The following LINGO2 variants were observed in gnomAD, a reference collection of about 807,000 sequenced individuals.
LINGO2 encodes the protein leucine-rich repeat and immunoglobulin-like domain-containing nogo receptor-interacting protein 2.
Under a neutral mutation model 30.6 loss-of-function variants are expected in LINGO2, and 14 were observed. That is an observed-to-expected ratio of 0.46 (90% CI 0.30 to 0.72). The LOEUF (loss-of-function observed/expected upper bound fraction) is 0.72, where lower values mean the gene tolerates loss of function less well. Among genes scored for constraint, LINGO2 ranks in the 30% least tolerant of loss-of-function variants. LINGO2 has a pLI of 0.07. For missense variants in LINGO2, 729 were observed against 751.7 expected (o/e 0.97, Z 0.35); for synonymous variants, 317 against 288.5 (o/e 1.10, Z -1.00).
chr9:28,989,507 A>G, the LINGO2 span, among the ~76,000 whole-genome samples: 1 of 152,296 alleles, frequency 6.6e-6, no homozygotes, highest in East Asian at 1.9e-4. Context: ...ATTAGACTAG[A>G]ATCTAGAGCC....
intron 4 of LINGO2, among the ~76,000 whole-genome samples, chr9:28,123,690 G>C (rs1827161902): frequency 6.6e-6 from 1 of 151,322 alleles, no homozygotes; most frequent in South Asian, 2.1e-4. Context: ...TTTTGACGGA[G>C]TCTCATTCTG....
At chr9:28,736,117 C>T in the LINGO2 span, among the ~76,000 whole-genome samples, 1 of 152,186 alleles carries the variant, frequency 6.6e-6, no homozygotes. Flanking sequence ...AGCAATTAAA[C>T]AGAACTCAAC....
the LINGO2 span, among the ~76,000 whole-genome samples, chr9:28,775,267 TACACAGTTGTACC>T: frequency 1.3e-5 from 2 of 152,158 alleles, no homozygotes; most frequent in Admixed American, 6.5e-5. Flanking sequence ...CTCCCTACAT[TACACAGTTGTACC>T]ACCACTTGAT....
At position 28,254,767 on chromosome 9, in the gene LINGO2, A is replaced by T. The variant is rs187604355; in HGVS notation, c.-87+40441T>A. ...AACCAATAGAAATACCAAATTTTTT[A>T]AAATTTAACTTTTAAGTTCAGGGGT... On this transcript the variant is annotated intron_variant, in intron 4 of 5. Transcript: ENST00000379992. Among the ~76,000 whole-genome samples, 255 of 152,246 alleles carry T rather than the reference A, an allele frequency of 1.7e-3. 2 individuals carry two copies. The highest frequency in any genetic ancestry group is 5.8e-3 in the African/African-American group (242 of 41,584).
chr9:28,435,662 C>T (rs1823892829), intron 2 of LINGO2, among the ~76,000 whole-genome samples: 1 of 152,194 alleles, frequency 6.6e-6, no homozygotes, highest in Admixed American at 6.5e-5. Flanking sequence ...ATCTTCAGTC[C>T]TGATGGCTAG....
intron 2 of LINGO2, among the ~76,000 whole-genome samples, chr9:28,403,594 T>C (rs76699582): frequency 0.031 from 4,689 of 152,206 alleles, 110 homozygotes; most frequent in Non-Finnish European, 0.047. Flanking sequence ...CCCTACCCTG[T>C]TCTCAAAGAA....
chr9:28,266,959 C>A (rs1245510857), intron 4 of LINGO2, among the ~76,000 whole-genome samples: 1 of 151,950 alleles, frequency 6.6e-6, no homozygotes, highest in Non-Finnish European at 1.5e-5. Flanking sequence ...CTTGGGCAAA[C>A]CTGTCACCAA....
chr9:28,906,028 G>A, the LINGO2 span, among the ~76,000 whole-genome samples: 78 of 152,046 alleles, frequency 5.1e-4, 1 homozygote, highest in Admixed American at 5.1e-3. Flanking sequence ...GAACCTGACA[G>A]TATGTTAACT....
At chr9:28,602,813 G>C (rs1413840626) in intron 1 of LINGO2, among the ~76,000 whole-genome samples, 1 of 152,028 alleles carries the variant, frequency 6.6e-6, no homozygotes, top group Non-Finnish European at 1.5e-5. Context: ...CTAATCCCTA[G>C]TGACTGTACA....
At chr9:28,607,353 T>C (rs1490577290) in intron 1 of LINGO2, among the ~76,000 whole-genome samples, 3 of 152,032 alleles carry the variant, frequency 2.0e-5, no homozygotes, top group Admixed American at 6.6e-5. Flanking sequence ...ATTGGTTTTA[T>C]CATGTTGGAA....
the LINGO2 span, among the ~76,000 whole-genome samples, chr9:29,164,583 G>C: frequency 2.0e-5 from 3 of 151,546 alleles, no homozygotes; most frequent in African/African-American, 7.3e-5. Flanking sequence ...GCAGTTGGGT[G>C]GGGGGTTGGG....
chr9:28,995,882 A>G, the LINGO2 span, among the ~76,000 whole-genome samples: 2 of 91,312 alleles, frequency 2.2e-5, no homozygotes, highest in African/African-American at 6.8e-5. Flanking sequence ...GGGTAGGGGG[A>G]TGGGGGAGGG....
chr9:29,034,614 T>A, the LINGO2 span, among the ~76,000 whole-genome samples: 2 of 152,192 alleles, frequency 1.3e-5, no homozygotes, highest in Non-Finnish European at 2.9e-5. Context: ...TCACCATTTC[T>A]CTGATCAATA....
the LINGO2 span, among the ~76,000 whole-genome samples, chr9:28,974,887 T>A: frequency 6.6e-6 from 1 of 152,018 alleles, no homozygotes; most frequent in Non-Finnish European, 1.5e-5. Flanking sequence ...AGATAGTGAA[T>A]AACGGAGCCA....
At chr9:28,926,613 G>C in the LINGO2 span, among the ~76,000 whole-genome samples, 1 of 152,204 alleles carries the variant, frequency 6.6e-6, no homozygotes, top group African/African-American at 2.4e-5. Context: ...ATGCTGGTTT[G>C]AATGCTGGGA....
chr9:28,767,093 T>G, the LINGO2 span, among the ~76,000 whole-genome samples: 13 of 150,832 alleles, frequency 8.6e-5, no homozygotes, highest in Non-Finnish European at 1.2e-4. Flanking sequence ...GAAGGTGGGG[T>G]GGGTAATGGA....
intron 3 of LINGO2, among the ~76,000 whole-genome samples, chr9:28,296,760 T>C (rs1018481031): frequency 6.6e-6 from 1 of 152,204 alleles, no homozygotes; most frequent in Non-Finnish European, 1.5e-5. Flanking sequence ...GTTATGTTGA[T>C]GCTATTAGAT....
the LINGO2 span, among the ~76,000 whole-genome samples, chr9:29,084,998 T>C: frequency 2.2e-5 from 2 of 90,698 alleles, no homozygotes; most frequent in Non-Finnish European, 4.9e-5. Context: ...CTTGTTTTGG[T>C]TTTTATTGCT....
chr9:28,867,828 G>A, the LINGO2 span, among the ~76,000 whole-genome samples: 1 of 152,000 alleles, frequency 6.6e-6, no homozygotes. Flanking sequence ...TACCTATAGT[G>A]TTTGTGAAAT....
Sources: gnomAD v4.1 joint callset for allele counts (sites outside exome capture counted in the v4.1 genomes callset) on GRCh38, gnomAD v4.1.1 for gene constraint, MANE v1.5 for transcripts, NCBI Gene and HGNC (gene_info 2026-07-23, HGNC 2026-07-21) for gene names.